ATXN2: variants seen among roughly 807,000 people sequenced by gnomAD.
ATXN2 encodes ataxin-2.
In ATXN2, 37 loss-of-function variants were observed where a neutral mutation model predicts 138.6. The observed-to-expected ratio is 0.27, with a 90% CI of 0.21 to 0.35. ATXN2 has a LOEUF of 0.35. ATXN2 is among the 10% of genes least tolerant of loss of function. The pLI is 1.00. For synonymous variants in ATXN2, 549 were observed against 543.7 expected (o/e 1.01, Z -0.13); for missense variants, 1,216 against 1,480.3 (o/e 0.82, Z 2.93).
At chr12:111,460,113 G>A (rs778676428) in intron 21 of ATXN2, among the ~76,000 whole-genome samples, 1 of 152,096 alleles carries the variant, frequency 6.6e-6, no homozygotes, top group Non-Finnish European at 1.5e-5. Flanking sequence ...ACGGAGTCTC[G>A]CTCTGTTGCC....
chr12:111,575,041 T>C (rs1283350020), intron 1 of ATXN2, among the ~76,000 whole-genome samples: 1 of 152,132 alleles, frequency 6.6e-6, no homozygotes, highest in African/African-American at 2.4e-5. Flanking sequence ...CCTGGGAGAA[T>C]AAACTCACGG....
chr12:111,499,669 G>A (rs1878629387), intron 14 of ATXN2, among the ~76,000 whole-genome samples: 1 of 151,452 alleles, frequency 6.6e-6, no homozygotes. Flanking sequence ...GTGAGACTCT[G>A]TCTCAAAAAC....
rs187129618 is a variant in ATXN2, at chr12:111,592,053, G to A, written c.251+6731C>T. 2.8e-3 allele frequency among the ~76,000 whole-genome samples: 412 copies of A among 148,544 alleles called. 1 individual carries two copies. The highest frequency in any genetic ancestry group is 8.5e-3 in the African/African-American group (336 of 39,644). On this transcript the variant is annotated intron_variant, in intron 1 of 24. Transcript: ENST00000673436. ...GCTGAGATTGCACCACTGCACTCCA[G>A]CCTGGGAAAGAGCAAAACTGTCTCA...
intron 5 of ATXN2, among the ~76,000 whole-genome samples, chr12:111,541,346 CTTTTT>C (rs62932861): frequency 3.0e-5 from 2 of 67,448 alleles, no homozygotes; most frequent in Non-Finnish European, 3.0e-5. Flanking sequence ...AGTTATAATT[CTTTTT>C]TTTTTTTTTT....
At chr12:111,534,976 A>C (rs1482867293) in intron 5 of ATXN2, among the ~76,000 whole-genome samples, 1 of 151,772 alleles carries the variant, frequency 6.6e-6, no homozygotes, top group Non-Finnish European at 1.5e-5. Flanking sequence ...TCTCTACAAA[A>C]ACTAAACTAA....
chr12:111,464,555 G>C, intron 21 of ATXN2, 107 bp downstream of exon 21: 1 of 805,348 alleles, frequency 1.2e-6, no homozygotes, highest in Non-Finnish European at 1.9e-6. Context: ...TCAATAATTT[G>C]ACTGGCACAA....
chr12:111,567,949 C>A (rs1181976686), intron 1 of ATXN2, among the ~76,000 whole-genome samples: 2 of 152,050 alleles, frequency 1.3e-5, no homozygotes, highest in Non-Finnish European at 2.9e-5. Context: ...AATAAAATTA[C>A]CTTCCATTAT....
intron 1 of ATXN2, among the ~76,000 whole-genome samples, chr12:111,568,263 A>G (rs1883126329): frequency 6.6e-6 from 1 of 152,126 alleles, no homozygotes; most frequent in African/African-American, 2.4e-5. Flanking sequence ...TCTGTCTCAA[A>G]AACAAAAAAC....
At chr12:111,594,544 T>C (rs774897738) in intron 1 of ATXN2, among the ~76,000 whole-genome samples, 12 of 152,018 alleles carry the variant, frequency 7.9e-5, no homozygotes, top group Non-Finnish European at 1.3e-4. Context: ...GCAGTAAAAA[T>C]ACTAAGCTGA....
At chr12:111,597,202 C>T (rs1454077277) in intron 1 of ATXN2, among the ~76,000 whole-genome samples, 1 of 152,078 alleles carries the variant, frequency 6.6e-6, no homozygotes, top group Non-Finnish European at 1.5e-5. Flanking sequence ...GTTTCCGCCC[C>T]CTTTGAAGGC....
chr12:111,526,671 C>CT (rs1003302092), intron 5 of ATXN2, among the ~76,000 whole-genome samples: 1 of 152,184 alleles, frequency 6.6e-6, no homozygotes, highest in Non-Finnish European at 1.5e-5. Flanking sequence ...TCCCAAAGTG[C>CT]TGGGATTACA....
chr12:111,519,910 T>C lies in ATXN2; in HGVS notation c.955A>G (p.Ser319Gly), dbSNP rs770509571. ...TTTATGCTGTGCCCCTCACGTTCAC[T>C]GGAATTTCTCTGAACTGCTGTGTAT... is the stretch of plus-strand genomic sequence containing the variant. The part of the protein sequence containing the change: ...EKYTAVQRNS[S>G]EREGHSINTR... The change falls in exon 8 of 25, where the codon AGT becomes GGT. Residue 319 changes from serine to glycine, a missense_variant. Coordinates refer to ENST00000673436, the MANE Select transcript of ATXN2 (RefSeq NM_001372574.1). 4 of 1,614,218 alleles carry C rather than the reference T, an allele frequency of 2.5e-6. No homozygotes were observed. In the Admixed American group the frequency reaches 5.0e-5, roughly 20 times the overall value.
At chr12:111,561,871 G>C (rs1440361988) in intron 1 of ATXN2, among the ~76,000 whole-genome samples, 1 of 151,770 alleles carries the variant, frequency 6.6e-6, no homozygotes, top group African/African-American at 2.4e-5. Flanking sequence ...GAGTGCAGTG[G>C]CATGATCTTG....
intron 14 of ATXN2, among the ~76,000 whole-genome samples, chr12:111,490,751 C>T (rs1877970453): frequency 6.6e-6 from 1 of 152,138 alleles, no homozygotes; most frequent in South Asian, 2.1e-4. Flanking sequence ...CCCTCCAACA[C>T]CCCTGACATT....
chr12:111,469,117 G>C (rs1876234646), intron 20 of ATXN2: 1 of 152,122 alleles, frequency 6.6e-6, no homozygotes, highest in Admixed American at 6.5e-5. Flanking sequence ...CTTTAAAAAT[G>C]AAATGCCCAT....
At chr12:111,474,111 C>T (rs1876620718) in intron 18 of ATXN2, among the ~76,000 whole-genome samples, 1 of 152,162 alleles carries the variant, frequency 6.6e-6, no homozygotes, top group African/African-American at 2.4e-5. Context: ...GTCCCAGCTA[C>T]TTGGGAGGTT....
intron 5 of ATXN2, among the ~76,000 whole-genome samples, chr12:111,545,794 C>CA (rs1881769964): frequency 6.6e-6 from 1 of 151,816 alleles, no homozygotes; most frequent in Non-Finnish European, 1.5e-5. Flanking sequence ...CCCATCTCTA[C>CA]AAAAAATATA....
chr12:111,521,086 G>C, intron 6 of ATXN2, 113 bp from the exon 7 acceptor site: 1 of 687,132 alleles, frequency 1.5e-6, no homozygotes, highest in South Asian at 2.0e-5. Flanking sequence ...AGCAAAATTA[G>C]CAAATTAGAA....
At chr12:111,502,782 T>C (rs1040034729) in intron 14 of ATXN2, among the ~76,000 whole-genome samples, 4 of 152,224 alleles carry the variant, frequency 2.6e-5, no homozygotes, top group Admixed American at 6.5e-5. Context: ...ATGACACCAT[T>C]GTACATACTC....
Sources: allele counts gnomAD v4.1 joint callset (sites outside exome capture counted in the v4.1 genomes callset), GRCh38; gene constraint gnomAD v4.1.1; transcripts MANE v1.5; gene names NCBI Gene and HGNC (gene_info 2026-07-23, HGNC 2026-07-21).